The following KLF8 variants were observed in gnomAD, a reference collection of about 807,000 sequenced individuals.
The protein encoded by KLF8 is Krueppel-like factor 8.
Under a neutral mutation model 18.2 loss-of-function variants are expected in KLF8, and 10 were observed. The ratio of observed to expected loss-of-function variants is 0.55; its 90% CI spans 0.34 to 0.93. KLF8 has a LOEUF of 0.93. KLF8 is among the 40% of genes least tolerant of loss of function. KLF8 has a pLI of 0.02. For missense variants in KLF8, 264 were observed against 277.9 expected (o/e 0.95, Z 0.36); for synonymous variants, 109 against 97.3 (o/e 1.12, Z -0.71).
chrX:56,123,767 G>C, the KLF8 span, among the ~76,000 whole-genome samples: 1 of 111,880 alleles, frequency 8.9e-6, no homozygotes, highest in Non-Finnish European at 1.9e-5. Flanking sequence ...TATTTTTCCA[G>C]GGCATTAATG....
the KLF8 span, among the ~76,000 whole-genome samples, chrX:56,099,667 T>G: frequency 8.9e-6 from 1 of 111,796 alleles, no homozygotes; most frequent in Non-Finnish European, 1.9e-5. Context: ...CAAAACAGCC[T>G]TGTTGATGAT....
chrX:55,980,427 G>A, the KLF8 span, among the ~76,000 whole-genome samples: 3 of 111,315 alleles, frequency 2.7e-5, no homozygotes, highest in African/African-American at 9.8e-5. Flanking sequence ...GATAGGATTG[G>A]GAGAACAATT....
At chrX:56,242,454 TTA>T (rs1448938892) in intron 1 of KLF8, among the ~76,000 whole-genome samples, 18 of 112,439 alleles carry the variant, frequency 1.6e-4, no homozygotes, top group African/African-American at 5.2e-4. Flanking sequence ...TCTTTACATC[TTA>T]TAAGATATTT....
chrX:56,031,588 C>G, the KLF8 span, among the ~76,000 whole-genome samples: 21 of 111,869 alleles, frequency 1.9e-4, 1 homozygote, highest in Non-Finnish European at 3.0e-4. Flanking sequence ...CGGGAGCGCT[C>G]TTTGGATCAT....
At chrX:56,211,767 C>CT in the KLF8 span, among the ~76,000 whole-genome samples, 1 of 111,438 alleles carries the variant, frequency 9.0e-6, no homozygotes, top group South Asian at 3.8e-4. Context: ...CCAGTCTTTC[C>CT]TTCCCTTTCC....
chrX:56,076,700 C>T, the KLF8 span, among the ~76,000 whole-genome samples: 4 of 111,461 alleles, frequency 3.6e-5, no homozygotes, highest in Non-Finnish European at 7.5e-5. Context: ...GTTCTAGATC[C>T]CTGAGGAATC....
chrX:56,239,840 C>T (rs2066521636), intron 1 of KLF8, among the ~76,000 whole-genome samples: 1 of 112,007 alleles, frequency 8.9e-6, no homozygotes, highest in Admixed American at 9.5e-5. Context: ...TTGGTTATTT[C>T]TCTAGTTTCT....
the KLF8 span, among the ~76,000 whole-genome samples, chrX:56,058,987 A>G: frequency 9.0e-6 from 1 of 111,707 alleles, no homozygotes; most frequent in East Asian, 2.8e-4. Flanking sequence ...AAGTGTTCCT[A>G]TTTCTCCACA....
the KLF8 span, among the ~76,000 whole-genome samples, chrX:56,195,965 A>C: frequency 8.9e-6 from 1 of 111,811 alleles, no homozygotes; most frequent in Non-Finnish European, 1.9e-5. Context: ...ACCCAGAATT[A>C]CATATCCAGG....
chrX:56,075,924 C>T, the KLF8 span, among the ~76,000 whole-genome samples: 1 of 111,485 alleles, frequency 9.0e-6, no homozygotes, highest in Non-Finnish European at 1.9e-5. Context: ...TGTTGATGGA[C>T]GCTTACATTG....
chrX:56,174,781 A>T, the KLF8 span, among the ~76,000 whole-genome samples: 5 of 111,196 alleles, frequency 4.5e-5, no homozygotes, highest in Non-Finnish European at 9.4e-5. Context: ...AGATCCTGTT[A>T]TTGGTCTATT....
At chrX:56,056,260 T>A in the KLF8 span, among the ~76,000 whole-genome samples, 1 of 110,722 alleles carries the variant, frequency 9.0e-6, no homozygotes, top group Non-Finnish European at 1.9e-5. Flanking sequence ...TTGTATTTTA[T>A]TTACGCCCTT....
the KLF8 span, among the ~76,000 whole-genome samples, chrX:55,956,718 G>A: frequency 3.6e-5 from 4 of 112,107 alleles, no homozygotes; most frequent in Admixed American, 9.4e-5. Context: ...TTGGAGAAAT[G>A]TTTATTCAAG....
chrX:55,913,011 C>T, the KLF8 span, among the ~76,000 whole-genome samples: 1 of 111,966 alleles, frequency 8.9e-6, no homozygotes, highest in African/African-American at 3.2e-5. Context: ...TTATGCCATA[C>T]TACCTAATCT....
At chrX:56,249,911 G>A (rs755351424) in intron 1 of KLF8, among the ~76,000 whole-genome samples, 1 of 111,550 alleles carries the variant, frequency 9.0e-6, no homozygotes, top group East Asian at 2.8e-4. Context: ...ACTCCTTCAA[G>A]CAAGAACTAG....
At chrX:56,175,250 C>T in the KLF8 span, among the ~76,000 whole-genome samples, 3 of 111,737 alleles carry the variant, frequency 2.7e-5, no homozygotes, top group African/African-American at 9.8e-5. Flanking sequence ...ATAAATTTCC[C>T]TCTACACACT....
chrX:56,135,640 T>G, the KLF8 span, among the ~76,000 whole-genome samples: 2 of 110,193 alleles, frequency 1.8e-5, no homozygotes, highest in Non-Finnish European at 3.8e-5. Context: ...GCCTGGCCCA[T>G]GTATACATAT....
At chrX:56,139,084 C>T in the KLF8 span, among the ~76,000 whole-genome samples, 3 of 111,086 alleles carry the variant, frequency 2.7e-5, no homozygotes, top group East Asian at 8.5e-4. Context: ...CCTGGGAAAA[C>T]AGCTAACTAG....
chrX:55,936,245 G>C, the KLF8 span, among the ~76,000 whole-genome samples: 1 of 111,960 alleles, frequency 8.9e-6, no homozygotes, highest in Non-Finnish European at 1.9e-5. Flanking sequence ...CTCCAGTCTG[G>C]AGAATCTCTA....
Sources: gnomAD v4.1 joint callset for allele counts (sites outside exome capture counted in the v4.1 genomes callset) on GRCh38, gnomAD v4.1.1 for gene constraint, MANE v1.5 for transcripts, NCBI Gene and HGNC (gene_info 2026-07-23, HGNC 2026-07-21) for gene names.